The following MYPN variants were observed in gnomAD, a reference collection of about 807,000 sequenced individuals.
MYPN encodes the protein sarcomeric protein myopalladin, 145 kDa (MYOP).
In MYPN, 63 loss-of-function variants were observed where a neutral mutation model predicts 129.4. The ratio of observed to expected loss-of-function variants is 0.49; its 90% CI spans 0.40 to 0.60. The LOEUF is 0.60. Among genes scored for constraint, MYPN ranks in the 20% least tolerant of loss-of-function variants. MYPN has a pLI of 0.00. For synonymous variants in MYPN, 629 were observed against 600.9 expected, an observed-to-expected ratio of 1.05 and a Z score of -0.68; for missense variants, 1,596 against 1,635.4, an observed-to-expected ratio of 0.98 and a Z score of 0.42.
chr10:68,106,598 C>G (rs1389403468), upstream of MYPN: 1 of 698,900 alleles, frequency 1.4e-6, no homozygotes, highest in African/African-American at 1.8e-5. Flanking sequence ...CTATGAACTT[C>G]AAGCAAAACT....
intron 10 of MYPN, among the ~76,000 whole-genome samples, chr10:68,170,272 T>C (rs7091848): frequency 0.029 from 4,491 of 152,270 alleles, 226 homozygotes; most frequent in African/African-American, 0.1. Context: ...GACTTCCAAT[T>C]AATATAAGAC....
At position 68,210,390 on chromosome 10, in the gene MYPN, T is replaced by C; in HGVS notation, c.3898T>C (p.Ser1300Pro). The change falls in exon 20 of 20, where the codon TCC becomes CCC. Residue 1300 changes from serine (S) to proline (P), a missense_variant. Physicochemically the swap from Ser to Pro is moderately conservative, Grantham distance 74. Coordinates refer to ENST00000358913, the MANE Select transcript of MYPN (RefSeq NM_032578.4). The part of the protein sequence containing the change: ...KGLDIFSAFS[S>P]MESTMVYSCS... ...ACTTGACATATTTTCTGCCTTTTCC[T>C]CCATGGAAAGCACGATGGTGTATTC... is the stretch of plus-strand genomic sequence containing the variant. 1.9e-6 allele frequency: 3 copies of C among 1,614,132 alleles called. No individual in the cohort carries two copies. Among genetic ancestry groups the C allele is most frequent in the Non-Finnish European group, 2.5e-6 (3 of 1,180,014 alleles).
At chr10:68,113,765 T>A (rs939064979) in intron 1 of MYPN, among the ~76,000 whole-genome samples, 2 of 152,092 alleles carry the variant, frequency 1.3e-5, no homozygotes, top group Admixed American at 1.3e-4. Flanking sequence ...AAGGTTTAAT[T>A]GACAAATTAA....
chr10:68,138,967 C>T (rs2042530466), intron 2 of MYPN, among the ~76,000 whole-genome samples: 1 of 152,132 alleles, frequency 6.6e-6, no homozygotes, highest in Non-Finnish European at 1.5e-5. Flanking sequence ...GCAAATTTGT[C>T]TTAATCCTCC....
upstream of MYPN, chr10:68,109,192 A>G (rs1197244264): frequency 5.7e-6 from 1 of 174,544 alleles, no homozygotes; most frequent in Non-Finnish European, 1.2e-5. Context: ...CTATTGATTA[A>G]AATTAAAGAT....
At position 68,211,941 on chromosome 10, in the gene MYPN, G is replaced by T. The variant is rs2043924474; in HGVS notation, c.*1486G>T. 2 of 379,464 alleles carry T rather than the reference G, an allele frequency of 5.3e-6. No individual in the cohort carries two copies. Among genetic ancestry groups the T allele is most frequent in the South Asian group, 1.9e-5 (1 of 51,954 alleles). 23.5% of individuals were successfully genotyped at this position (379,464 alleles called of 1,614,324 possible). On this transcript the variant is annotated 3_prime_UTR_variant, in exon 20 of 20. Coordinates refer to ENST00000358913, the MANE Select transcript of MYPN (RefSeq NM_032578.4). ...GTATTTGTGTGAACAGACAGTAACT[G>T]CTTAGAAAGGCTTGAAACTGTCTTC...
At chr10:68,202,750 CTT>C (rs2043739564) in intron 18 of MYPN, among the ~76,000 whole-genome samples, 1 of 151,238 alleles carries the variant, frequency 6.6e-6, no homozygotes, top group African/African-American at 2.4e-5. Context: ...CTGTACAAAA[CTT>C]TCTACTGAGA....
upstream of MYPN, among the ~76,000 whole-genome samples, chr10:68,105,867 T>C (rs964110498): frequency 6.6e-6 from 1 of 152,234 alleles, no homozygotes; most frequent in African/African-American, 2.4e-5. Context: ...TCTTCACTCT[T>C]ATTTTCATTT....
intron 6 of MYPN, among the ~76,000 whole-genome samples, chr10:68,157,786 G>A (rs1203984425): frequency 6.7e-6 from 1 of 150,070 alleles, no homozygotes; most frequent in Non-Finnish European, 1.5e-5. Flanking sequence ...AAGCTGCAGT[G>A]AGCCATGATC....
intron 10 of MYPN, among the ~76,000 whole-genome samples, chr10:68,172,244 A>G (rs1412752443): frequency 1.3e-5 from 2 of 152,162 alleles, no homozygotes; most frequent in Non-Finnish European, 1.5e-5. Context: ...GGTCCCAGCT[A>G]CTTGGGAGGC....
chr10:68,161,713 CTTTCTT>C lies in MYPN; in HGVS notation c.1460-13_1460-8del. On this transcript the variant is annotated splice_polypyrimidine_tract_variant and intron_variant, in intron 7 of 19. Coordinates refer to ENST00000358913, the MANE Select transcript of MYPN (RefSeq NM_032578.4). ...TAAAATAAATGCTCAGAATCTTTTA[CTTTCTT>C]TTCTTTTAGAACCTCGATCCATGGC... 6.2e-7 allele frequency: 1 copy of C among 1,607,184 alleles called. No homozygotes were observed. Among genetic ancestry groups the C allele is most frequent in the Non-Finnish European group, 8.5e-7 (1 of 1,175,388 alleles).
At chr10:68,196,951 C>T (rs2043617631) in intron 15 of MYPN, among the ~76,000 whole-genome samples, 4 of 152,190 alleles carry the variant, frequency 2.6e-5, no homozygotes, top group Admixed American at 2.0e-4. Flanking sequence ...GGGATTGCAG[C>T]TGCCTTACTC....
At chr10:68,185,594 A>C (rs1388277366) in intron 12 of MYPN, among the ~76,000 whole-genome samples, 1 of 152,140 alleles carries the variant, frequency 6.6e-6, no homozygotes, top group Non-Finnish European at 1.5e-5. Flanking sequence ...ACCCTCATGA[A>C]AAGTTTGGGG....
intron 2 of MYPN, among the ~76,000 whole-genome samples, chr10:68,139,141 G>A (rs2042534035): frequency 2.0e-5 from 3 of 152,090 alleles, no homozygotes; most frequent in South Asian, 4.2e-4. Context: ...TTCATTCCGG[G>A]ACATTCACTA....
In MYPN at chr10:68,122,188, T is replaced by C. The variant is rs778345110; in HGVS notation, c.750T>C (p.Thr250=). The C allele has an allele frequency of 2.5e-6, 4 of 1,609,238 alleles. No individual in the cohort carries two copies. Among genetic ancestry groups the C allele is most frequent in the Non-Finnish European group, 3.4e-6 (4 of 1,177,542 alleles). Residue 250 remains threonine, a synonymous_variant, in exon 2 of 20, where the codon ACT becomes ACC. Transcript: ENST00000358913. ...CCAGTGAGGCGGCTGGTGGAGACAC[T>C]ACACCAGGGTCTTCCCCTTCATCTC... The part of the protein sequence containing the change: ...QAASEAAGGD[T]TPGSSPSSLY...
At chr10:68,199,311 A>G (rs897361148) in intron 16 of MYPN, 57 bp from the exon 17 acceptor site, 1 of 1,538,906 alleles carries the variant, frequency 6.5e-7, no homozygotes, top group African/African-American at 1.4e-5. Flanking sequence ...GAATTCAGCC[A>G]TCAAATAAAT....
intron 2 of MYPN, chr10:68,136,211 C>T (rs910492369): frequency 3.7e-5 from 36 of 985,980 alleles, no homozygotes; most frequent in African/African-American, 7.0e-5. Flanking sequence ...TCTTCCCAGG[C>T]TTGCTAGCTA....
chr10:68,111,209 A>G (rs1449636080), intron 1 of MYPN, among the ~76,000 whole-genome samples: 1 of 152,192 alleles, frequency 6.6e-6, no homozygotes, highest in African/African-American at 2.4e-5. Context: ...TTTGCTTTTG[A>G]ACATATGAGA....
At chr10:68,151,364 T>G (rs2634702) in intron 6 of MYPN, among the ~76,000 whole-genome samples, 3,860 of 152,276 alleles carry the variant, frequency 0.025, 94 homozygotes, top group African/African-American at 0.057. Flanking sequence ...AAGATGCCTC[T>G]CAATTTTTCA....
Sources: gnomAD v4.1 joint callset for allele counts (sites outside exome capture counted in the v4.1 genomes callset) on GRCh38, gnomAD v4.1.1 for gene constraint, MANE v1.5 for transcripts, NCBI Gene and HGNC (gene_info 2026-07-23, HGNC 2026-07-21) for gene names.